CLN8: variants seen among roughly 807,000 people sequenced by gnomAD.
CLN8 encodes CLN8 transmembrane ER and ERGIC protein.
A neutral mutation model predicts 15.7 loss-of-function variants in CLN8; 14 were observed. The ratio of observed to expected loss-of-function variants is 0.89; its 90% confidence interval spans 0.59 to 1.39. The LOEUF is 1.39. Ranked by LOEUF, CLN8 falls within the 40% of genes most tolerant of loss-of-function variation. The pLI is 0.00. For synonymous variants in CLN8, 188 were observed against 151.0 expected, an observed-to-expected ratio of 1.25 and a Z score of -1.80; for missense variants, 415 against 364.0, an observed-to-expected ratio of 1.14 and a Z score of -1.14.
intron 1 of CLN8, among the ~76,000 whole-genome samples, chr8:1,768,448 G>C (rs1274737477): frequency 6.6e-6 from 1 of 152,162 alleles, no homozygotes; most frequent in Admixed American, 6.5e-5. Flanking sequence ...CTGGAGTCGG[G>C]GTTTCTCTCG....
intron 1 of CLN8, among the ~76,000 whole-genome samples, chr8:1,766,792 A>G (rs1340979261): frequency 1.3e-5 from 2 of 152,226 alleles, no homozygotes; most frequent in African/African-American, 4.8e-5. Flanking sequence ...GTGCACAGCA[A>G]GGGAACAGTG....
chr8:1,756,389 C>G (rs986546202), intron 1 of CLN8, among the ~76,000 whole-genome samples: 1 of 150,768 alleles, frequency 6.6e-6, no homozygotes, highest in African/African-American at 2.4e-5. Flanking sequence ...GAGGCTGAGG[C>G]AGGAGAATTG....
At chr8:1,754,337 T>G (rs1342998897), upstream of CLN8, among the ~76,000 whole-genome samples, 1 of 152,214 alleles carries the variant, frequency 6.6e-6, no homozygotes, top group Non-Finnish European at 1.5e-5. Flanking sequence ...AACCCCTGCA[T>G]TACACCATTG....
intron 1 of CLN8, among the ~76,000 whole-genome samples, chr8:1,766,471 G>A (rs112895391): frequency 2.0e-5 from 3 of 146,462 alleles, no homozygotes; most frequent in Admixed American, 7.0e-5. Context: ...CTCACTGCAC[G>A]TTCCGCCTTC....
Position 1,763,793 on chromosome 8 carries a change from G to A in CLN8, c.-216G>A, listed in dbSNP as rs1490898842. ...GGGCGGTGTTTGAGGCCGGCCAGTC[G>A]TGACTGGGCGGCAATGAGGTCAGTG... On this transcript the variant is annotated 5_prime_UTR_variant, in exon 1 of 3. The change creates a new upstream start codon in the 5' untranslated region. Coordinates refer to ENST00000331222, the MANE Select transcript of CLN8 (RefSeq NM_018941.4). 1 of 150,536 alleles carries A rather than the reference G, an allele frequency of 6.6e-6. No homozygotes were observed. The highest frequency in any genetic ancestry group is 2.4e-5 in the African/African-American group (1 of 40,948). 9.3% of individuals were successfully genotyped at this position (150,536 alleles called of 1,614,324 possible).
Position 1,780,325 on chromosome 8 carries a change from C to A in CLN8, c.619C>A (p.Leu207Ile). ...MIHMFHCRMV[L>I]TYHMWWVCFW... ...TCACATGTTTCACTGCCGCATGGTT[C>A]TAACCTACCACATGTGGTGGGTGTG... Residue 207 changes from leucine (L) to isoleucine (I), a missense_variant, in exon 3 of 3, where the codon CTA becomes ATA. Physicochemically the swap from Leu to Ile is conservative, Grantham distance 5. Transcript: ENST00000331222. The A allele has an allele frequency of 1.2e-6, 2 of 1,614,272 alleles. No individual in the cohort carries two copies. The highest frequency in any genetic ancestry group is 8.5e-7 in the Non-Finnish European group (1 of 1,180,056).
chr8:1,780,628 G>A lies in CLN8; in HGVS notation c.*61G>A, dbSNP rs2129015382. 5.4e-6 allele frequency: 8 copies of A among 1,478,970 alleles called. No homozygotes were observed. Among genetic ancestry groups the A allele is most frequent in the African/African-American group, 1.4e-5 (1 of 72,070 alleles). The allele number at this position is 1,478,970 out of a possible 1,614,324, so 91.6% of individuals were successfully genotyped here. A position where few individuals can be genotyped will look rare whatever the true frequency, so the allele number is the denominator to read the frequency against. ...TGGCACACCGATTCTGGGAAGCCCC[G>A]CGAATGATGGCTTTTGAATTAATGA... On this transcript the variant is annotated 3_prime_UTR_variant, in exon 3 of 3. Coordinates refer to ENST00000331222, the MANE Select transcript of CLN8 (RefSeq NM_018941.4).
intron 2 of CLN8, chr8:1,773,070 C>A: frequency 2.5e-6 from 1 of 397,074 alleles, no homozygotes; most frequent in Admixed American, 4.4e-5. Context: ...TGGACACCAG[C>A]CGGGTGTCAG....
chr8:1,775,763 T>C (rs1801487371), intron 2 of CLN8, among the ~76,000 whole-genome samples: 1 of 152,224 alleles, frequency 6.6e-6, no homozygotes, highest in Non-Finnish European at 1.5e-5. Context: ...TAGAGGATTC[T>C]GATGTTCAGA....
Position 1,782,611 on chromosome 8 carries a change from C to G in CLN8, c.*2044C>G, listed in dbSNP as rs1801735910. ...CCTCACACCTGGCAGGCAGCACTCT[C>G]TGCAGCCGTGCCCTTGTGGAGTCAG... On this transcript the variant is annotated 3_prime_UTR_variant, in exon 3 of 3. Coordinates refer to ENST00000331222, the MANE Select transcript of CLN8 (RefSeq NM_018941.4). 1 of 152,238 alleles carries G rather than the reference C, an allele frequency of 6.6e-6. No homozygotes were observed. The highest frequency in any genetic ancestry group is 2.1e-4 in the South Asian group (1 of 4,830). 9.4% of individuals were successfully genotyped at this position (152,238 alleles called of 1,614,324 possible). A position where few individuals can be genotyped will look rare whatever the true frequency, so the allele number is the denominator to read the frequency against.
chr8:1,761,854 G>A (rs1335876165), upstream of CLN8: 2 of 152,222 alleles, frequency 1.3e-5, no homozygotes, highest in Non-Finnish European at 1.5e-5. Flanking sequence ...CTGTTGTTAG[G>A]TTTTTCAATA....
At chr8:1,770,099 G>T (rs564281036) in intron 1 of CLN8, among the ~76,000 whole-genome samples, 7 of 152,160 alleles carry the variant, frequency 4.6e-5, no homozygotes, top group South Asian at 2.1e-4. Flanking sequence ...CACCAAAAAT[G>T]AGTGTTTGGG....
chr8:1,754,082 C>T (rs1800613067), upstream of CLN8, among the ~76,000 whole-genome samples: 1 of 152,072 alleles, frequency 6.6e-6, no homozygotes, highest in African/African-American at 2.4e-5. Flanking sequence ...CAGCAATCAC[C>T]AGACCTTCGC....
upstream of CLN8, among the ~76,000 whole-genome samples, chr8:1,754,919 G>C (rs73176722): frequency 2.6e-5 from 4 of 152,328 alleles, no homozygotes; most frequent in Non-Finnish European, 5.9e-5. Flanking sequence ...CTTCAAAAGA[G>C]ATCAGCCACT....
intron 1 of CLN8, among the ~76,000 whole-genome samples, chr8:1,766,584 G>C (rs951240214): frequency 6.6e-6 from 1 of 151,914 alleles, no homozygotes; most frequent in Non-Finnish European, 1.5e-5. Context: ...GTAGAGACAA[G>C]GTTTCACCAT....
At chr8:1,770,719 C>T (rs1405746621) in intron 1 of CLN8, among the ~76,000 whole-genome samples, 1 of 152,194 alleles carries the variant, frequency 6.6e-6, no homozygotes, top group Non-Finnish European at 1.5e-5. Flanking sequence ...CTCCGGCCTC[C>T]TGTTCGTGGC....
intron 1 of CLN8, among the ~76,000 whole-genome samples, chr8:1,757,422 T>C (rs991989518): frequency 3.3e-5 from 5 of 152,214 alleles, no homozygotes; most frequent in African/African-American, 4.8e-5. Flanking sequence ...CAACATGATC[T>C]TGTCAAGGCA....
At chr8:1,761,360 T>G (rs1218389846), upstream of CLN8, among the ~76,000 whole-genome samples, 2 of 152,154 alleles carry the variant, frequency 1.3e-5, no homozygotes, top group Non-Finnish European at 2.9e-5. Context: ...AGTCTTGCTC[T>G]GTTGCCCAGG....
chr8:1,761,398 C>T (rs182299734), upstream of CLN8, among the ~76,000 whole-genome samples: 69 of 152,334 alleles, frequency 4.5e-4, no homozygotes, highest in African/African-American at 1.5e-3. Flanking sequence ...GATTTCAGCA[C>T]ACTGCAACCT....
Sources: allele counts gnomAD v4.1 joint callset (sites outside exome capture counted in the v4.1 genomes callset), GRCh38; gene constraint gnomAD v4.1.1; transcripts MANE v1.5; gene names NCBI Gene and HGNC (gene_info 2026-07-23, HGNC 2026-07-21).